MTCL1: variants seen among roughly 807,000 people sequenced by gnomAD.
MTCL1 encodes microtubule cross-linking factor 1.
A neutral mutation model predicts 141.4 loss-of-function variants in MTCL1; 79 were observed. The ratio of observed to expected loss-of-function variants is 0.56; its 90% CI spans 0.47 to 0.67. The LOEUF is 0.67. Among genes scored for constraint, MTCL1 ranks in the 30% least tolerant of loss-of-function variants. MTCL1 has a pLI of 0.00. For synonymous variants in MTCL1, 914 were observed against 875.8 expected (o/e 1.04, Z -0.77); for missense variants, 2,177 against 2,113.9 (o/e 1.03, Z -0.59).
upstream of MTCL1, among the ~76,000 whole-genome samples, chr18:8,715,845 A>G (rs1233363053): frequency 6.6e-6 from 1 of 152,202 alleles, no homozygotes; most frequent in African/African-American, 2.4e-5. Context: ...GTGATCAGGC[A>G]TCAGTAACAA....
At position 8,806,899 on chromosome 18, in the gene MTCL1, GA is replaced by G. The variant is rs1185595456; in HGVS notation, c.2447del (p.Asn816ThrfsTer65). ...TGACTCAGTGTTCCCGCAGGTGGTG[GA>G]AAACCAGCAGCTGTTCAGCGCCTTC... On this transcript the variant is annotated frameshift_variant, in exon 11 of 17. Transcript: ENST00000359865. LOFTEE classifies it high-confidence loss of function. The G allele has an allele frequency of 6.2e-7, 1 of 1,613,050 alleles. No individual in the cohort carries two copies. The highest frequency in any genetic ancestry group is 1.3e-5 in the African/African-American group (1 of 75,044).
intron 11 of MTCL1, chr18:8,809,426 A>G (rs1177245408): frequency 6.5e-7 from 1 of 1,533,718 alleles, no homozygotes; most frequent in South Asian, 1.2e-5. Context: ...GTAATCACAC[A>G]CATCTCTCCA....
In MTCL1 at chr18:8,814,365, A is replaced by G. The variant is rs1420994698; in HGVS notation, c.2859+1132A>G. Reference sequence around the variant, plus strand: ...CTCCAAAAAACAAAAGAAGGAAAGTACACTGCAGATAGAAAAGCTGAAACT... The same window carrying G: ...CTCCAAAAAACAAAAGAAGGAAAGTGCACTGCAGATAGAAAAGCTGAAACT... On this transcript the variant is annotated intron_variant, in intron 12 of 16. Transcript: ENST00000359865. 2.6e-5 allele frequency among the ~76,000 whole-genome samples: 4 copies of G among 152,190 alleles called. No homozygotes were observed. The East Asian group carries it at 5.8e-4, about 22-fold the overall frequency.
intron 4 of MTCL1, among the ~76,000 whole-genome samples, chr18:8,747,565 C>G (rs989853984): frequency 6.6e-6 from 1 of 152,226 alleles, no homozygotes; most frequent in Non-Finnish European, 1.5e-5. Context: ...TCGTCCTCAG[C>G]TTATAAGGAC....
intron 15 of MTCL1, 82 bp downstream of exon 14, chr18:8,826,314 C>G (rs569530001): frequency 2.4e-6 from 3 of 1,272,310 alleles, no homozygotes; most frequent in East Asian, 5.1e-5. Context: ...TGGGATTGTG[C>G]TCTGTCATTT....
chr18:8,824,601 C>A, intron 14 of MTCL1, 98 bp from the exon 14 acceptor site: 1 of 1,033,064 alleles, frequency 9.7e-7, no homozygotes, highest in Non-Finnish European at 1.4e-6. Flanking sequence ...GCAGCGGGTG[C>A]CTTCACTGAC....
exon 13 of MTCL1, chr18:8,819,047 G>A: frequency 1.2e-6 from 2 of 1,614,242 alleles, no homozygotes; most frequent in Non-Finnish European, 1.7e-6. Context: ...TCCCCACCAG[G>A]GAAGCCTCCG....
intron 4 of MTCL1, among the ~76,000 whole-genome samples, chr18:8,721,742 C>T (rs539076329): frequency 9.9e-5 from 15 of 152,198 alleles, no homozygotes; most frequent in South Asian, 2.1e-4. Context: ...CTATTGTCAC[C>T]GCTCATCTGA....
At chr18:8,718,344 A>G in intron 2 of MTCL1, 80 bp from the exon 2 acceptor site, 1 of 1,347,490 alleles carries the variant, frequency 7.4e-7, no homozygotes, top group South Asian at 1.3e-5. Flanking sequence ...TTTAGTATTG[A>G]GGAGCGGGTA....
chr18:8,790,996 C>T (rs2075703400), intron 7 of MTCL1, among the ~76,000 whole-genome samples: 1 of 152,132 alleles, frequency 6.6e-6, no homozygotes, highest in South Asian at 2.1e-4. Context: ...GCCTGGGCGA[C>T]AGAGCGAGAC....
At chr18:8,748,999 C>T (rs2096356453) in intron 4 of MTCL1, among the ~76,000 whole-genome samples, 1 of 151,994 alleles carries the variant, frequency 6.6e-6, no homozygotes. Context: ...ATGATGCTGC[C>T]GTCAAAATGG....
intron 4 of MTCL1, among the ~76,000 whole-genome samples, chr18:8,725,241 C>T (rs987320225): frequency 1.3e-5 from 2 of 152,050 alleles, no homozygotes; most frequent in Non-Finnish European, 2.9e-5. Flanking sequence ...GAAAAGAGTC[C>T]GAGGGAACCA....
exon 5 of MTCL1, chr18:8,777,846 G>C: frequency 6.2e-7 from 1 of 1,613,844 alleles, no homozygotes; most frequent in Non-Finnish European, 8.5e-7. Context: ...TCCCTAAAAA[G>C]AAGAAGCACT....
chr18:8,821,558 G>A, intron 14 of MTCL1, 60 bp downstream of exon 13: 3 of 1,027,780 alleles, frequency 2.9e-6, no homozygotes, highest in Non-Finnish European at 4.3e-6. Context: ...GTCTTAAAAT[G>A]TTGTTTTGTC....
At chr18:8,831,050 T>C in intron 16 of MTCL1, 1 of 985,656 alleles carries the variant, frequency 1.0e-6, no homozygotes, top group Non-Finnish European at 1.2e-6. Flanking sequence ...TTTTGCCATG[T>C]TGTGGGAGTT....
intron 4 of MTCL1, among the ~76,000 whole-genome samples, chr18:8,729,471 G>A (rs1001815474): frequency 2.0e-5 from 3 of 151,600 alleles, no homozygotes; most frequent in African/African-American, 7.3e-5. Flanking sequence ...TGGTATACTC[G>A]TGATGTACTG....
intron 9 of MTCL1, 54 bp from the exon 9 acceptor site, chr18:8,798,043 G>A (rs2075986189): frequency 2.6e-6 from 4 of 1,516,764 alleles, no homozygotes; most frequent in African/African-American, 1.4e-5. Context: ...AAATCAGGCT[G>A]TACAGCAAAA....
At chr18:8,780,301 C>T (rs1270956823) in intron 5 of MTCL1, among the ~76,000 whole-genome samples, 1 of 152,246 alleles carries the variant, frequency 6.6e-6, no homozygotes, top group East Asian at 1.9e-4. Flanking sequence ...CCGCACCATG[C>T]AGGCAACTCT....
At chr18:8,723,546 GCCTTCTCTCTGGAGCCACCACTC>G (rs1567940146) in intron 4 of MTCL1, among the ~76,000 whole-genome samples, 1 of 152,166 alleles carries the variant, frequency 6.6e-6, no homozygotes, top group Non-Finnish European at 1.5e-5. Context: ...GCATCTCCAT[GCCTTCTCTCTGGAGCCACCACTC>G]CCTTCTCTCT....
Sources: gnomAD v4.1 joint callset for allele counts (sites outside exome capture counted in the v4.1 genomes callset) on GRCh38, gnomAD v4.1.1 for gene constraint, MANE v1.5 for transcripts, NCBI Gene and HGNC (gene_info 2026-07-23, HGNC 2026-07-21) for gene names.